The following EYS variants were observed in gnomAD, a reference collection of about 807,000 sequenced individuals.
EYS encodes the protein EGF-like photoreceptor maintenance factor, also known as protein eyes shut homolog.
In EYS, 250 loss-of-function variants were observed where a neutral mutation model predicts 282.1. That is an observed-to-expected ratio of 0.89 (90% CI 0.80 to 0.98). The LOEUF is 0.98. Ranked by LOEUF, EYS falls within the 50% of genes least tolerant of loss-of-function variation. EYS has a pLI of 0.00. For missense variants in EYS, 4,016 were observed against 3,709.0 expected (o/e 1.08, Z -2.15); for synonymous variants, 1,355 against 1,282.9 (o/e 1.06, Z -1.20).
intron 12 of EYS, among the ~76,000 whole-genome samples, chr6:65,206,022 G>T (rs1414056926): frequency 2.0e-5 from 3 of 151,738 alleles, no homozygotes; most frequent in Middle Eastern, 3.4e-3. Flanking sequence ...CAGAAGAAAA[G>T]AAATAACAGA....
intron 5 of EYS, among the ~76,000 whole-genome samples, chr6:65,437,640 G>A (rs1768124269): frequency 6.6e-6 from 1 of 152,074 alleles, no homozygotes; most frequent in Admixed American, 6.6e-5. Context: ...TTTAAGAACT[G>A]TATAGAAGAA....
At chr6:64,824,433 A>C (rs1764989232) in intron 19 of EYS, among the ~76,000 whole-genome samples, 1 of 152,002 alleles carries the variant, frequency 6.6e-6, no homozygotes, top group Non-Finnish European at 1.5e-5. Flanking sequence ...CATCAAAAAC[A>C]ACCTAGCCAA....
At chr6:65,353,685 C>G in intron 8 of EYS, 68 bp from the exon 9 acceptor site, 1 of 1,318,740 alleles carries the variant, frequency 7.6e-7, no homozygotes, top group Non-Finnish European at 1.1e-6. Flanking sequence ...ATACATATAA[C>G]ATAAACAGCT....
Position 64,858,119 on chromosome 6 carries a change from A to G in EYS, c.2992+28578T>C, listed in dbSNP as rs560096038. ...TAGTTTGATGCTATCTCATTTGTTT[A>G]TATTTGCTTTTGTTATCTGTGCTTT... is the stretch of plus-strand genomic sequence containing the variant. On this transcript the variant is annotated intron_variant, in intron 19 of 42. Transcript: ENST00000503581. Among the ~76,000 whole-genome samples, 8 of 152,044 alleles carry G rather than the reference A, an allele frequency of 5.3e-5. No homozygotes were observed. The East Asian group carries it at 1.5e-3, about 29-fold the overall frequency.
rs1249579761 is a variant in EYS, at chr6:64,589,928, C to CCAAA, written c.5644+294_5644+295insTTTG. On this transcript the variant is annotated intron_variant, in intron 26 of 42. Transcript: ENST00000503581. ...GAAATGAGAATAATAAAAGTTATTT[C>CCAAA]TAAACTTTGAGAGATCTGTCATAAT... Among the ~76,000 whole-genome samples, 4 of 152,026 alleles carry CCAAA rather than the reference C, an allele frequency of 2.6e-5. No homozygotes were observed. The East Asian group carries it at 7.7e-4, about 29-fold the overall frequency.
intron 41 of EYS, among the ~76,000 whole-genome samples, chr6:63,731,148 ACTACACT>A (rs2149635026): frequency 6.6e-6 from 1 of 152,290 alleles, no homozygotes; most frequent in Admixed American, 6.5e-5. Context: ...ATGCCACCAA[ACTACACT>A]CTAAAGTGTC....
chr6:65,697,864 C>A (rs1016408856), intron 1 of EYS, among the ~76,000 whole-genome samples: 17 of 152,066 alleles, frequency 1.1e-4, no homozygotes, highest in Non-Finnish European at 1.9e-4. Flanking sequence ...TTATAAGACA[C>A]AAGAAGACAT....
chr6:65,167,942 C>T (rs186711421), intron 12 of EYS, among the ~76,000 whole-genome samples: 11 of 151,090 alleles, frequency 7.3e-5, no homozygotes, highest in Admixed American at 4.6e-4. Context: ...TGCTTTGTTT[C>T]GATTTTAGAA....
chr6:64,088,234 C>T (rs1183446351), intron 31 of EYS, among the ~76,000 whole-genome samples: 20 of 152,034 alleles, frequency 1.3e-4, no homozygotes, highest in Admixed American at 1.3e-3. Context: ...TCAGGCGATG[C>T]TATTTGAACA....
intron 1 of EYS, among the ~76,000 whole-genome samples, chr6:65,664,326 G>T (rs1768127908): frequency 6.6e-6 from 1 of 152,138 alleles, no homozygotes; most frequent in African/African-American, 2.4e-5. Flanking sequence ...GATGAATGTG[G>T]GTCATTAGGG....
At chr6:64,016,441 T>C (rs62415275) in intron 33 of EYS, among the ~76,000 whole-genome samples, 39,987 of 151,672 alleles carry the variant, frequency 0.26, 5,648 homozygotes, top group Middle Eastern at 0.35. Context: ...AACCTGTACG[T>C]TGTAGCTCCA....
intron 22 of EYS, among the ~76,000 whole-genome samples, chr6:64,759,804 AAACT>A (rs779709351): frequency 2.7e-4 from 41 of 152,320 alleles, no homozygotes; most frequent in Non-Finnish European, 5.4e-4. Flanking sequence ...TTGAAAATAA[AAACT>A]AACAGTTCAC....
intron 5 of EYS, among the ~76,000 whole-genome samples, chr6:65,414,204 G>A (rs1040069255): frequency 5.9e-5 from 9 of 152,150 alleles, no homozygotes; most frequent in Non-Finnish European, 1.2e-4. Context: ...CGAAAGCTAA[G>A]AGACTGAGTC....
intron 28 of EYS, among the ~76,000 whole-genome samples, chr6:64,404,508 A>G (rs886740605): frequency 2.0e-5 from 3 of 152,142 alleles, no homozygotes; most frequent in Non-Finnish European, 4.4e-5. Context: ...ACCATTTATT[A>G]TCTAGCAGAA....
intron 2 of EYS, among the ~76,000 whole-genome samples, chr6:65,531,833 C>T (rs1057295361): frequency 6.6e-6 from 1 of 152,152 alleles, no homozygotes; most frequent in Non-Finnish European, 1.5e-5. Flanking sequence ...GCAACTGACA[C>T]ATTAACCTTT....
intron 22 of EYS, among the ~76,000 whole-genome samples, chr6:64,696,159 A>T (rs749893828): frequency 2.1e-4 from 32 of 152,196 alleles, no homozygotes; most frequent in Non-Finnish European, 4.3e-4. Context: ...AGAGATAGAT[A>T]TCTTTTAAAA....
intron 33 of EYS, among the ~76,000 whole-genome samples, chr6:64,041,767 A>G (rs527955967): frequency 1.3e-5 from 2 of 152,318 alleles, no homozygotes; most frequent in African/African-American, 4.8e-5. Context: ...GTTATTTTGA[A>G]ATTTTTGCTG....
At chr6:64,083,215 CTTTT>C (rs1429126007) in intron 31 of EYS, among the ~76,000 whole-genome samples, 1 of 152,036 alleles carries the variant, frequency 6.6e-6, no homozygotes, top group Admixed American at 6.6e-5. Flanking sequence ...AGCCAACTTT[CTTTT>C]TTGTCTTTCT....
intron 2 of EYS, among the ~76,000 whole-genome samples, chr6:65,634,584 A>G (rs1444828214): frequency 1.3e-5 from 2 of 152,220 alleles, no homozygotes; most frequent in African/African-American, 2.4e-5. Flanking sequence ...GCAACTCTAC[A>G]TGGAAGTTTA....
Sources: allele counts gnomAD v4.1 joint callset (sites outside exome capture counted in the v4.1 genomes callset), GRCh38; gene constraint gnomAD v4.1.1; transcripts MANE v1.5; gene names NCBI Gene and HGNC (gene_info 2026-07-23, HGNC 2026-07-21).